The following CRIM1 variants were observed in gnomAD, a reference collection of about 807,000 sequenced individuals.
The protein encoded by CRIM1 is cysteine rich transmembrane BMP regulator 1.
In CRIM1, 32 loss-of-function variants were observed where a neutral mutation model predicts 116.4. The observed-to-expected ratio is 0.27, with a 90% CI of 0.21 to 0.37. CRIM1 has a LOEUF of 0.37. Ranked by LOEUF, CRIM1 falls within the 10% of genes least tolerant of loss-of-function variation. CRIM1 has a pLI of 1.00. For missense variants in CRIM1, 1,331 were observed against 1,354.8 expected (o/e 0.98, Z 0.28); for synonymous variants, 590 against 509.2 (o/e 1.16, Z -2.13).
intron 9 of CRIM1, among the ~76,000 whole-genome samples, chr2:36,510,443 G>A (rs1403411642): frequency 6.6e-6 from 1 of 152,146 alleles, no homozygotes; most frequent in Non-Finnish European, 1.5e-5. Context: ...ATGGAATTGT[G>A]AGGTCCCAGT....
intron 2 of CRIM1, among the ~76,000 whole-genome samples, chr2:36,414,934 G>A (rs61682514): frequency 0.015 from 2,249 of 152,232 alleles, 54 homozygotes; most frequent in African/African-American, 0.052. Context: ...ATGAGAGGAT[G>A]CCCTTTTTAA....
chr2:36,464,805 C>T, intron 5 of CRIM1, 150 bp downstream of exon 5: 3 of 841,088 alleles, frequency 3.6e-6, no homozygotes, highest in Non-Finnish European at 5.7e-6. Context: ...GCTTAAGATC[C>T]ACAGTGCAGT....
At position 36,402,725 on chromosome 2, in the gene CRIM1, C is replaced by T. The variant is rs188359010; in HGVS notation, c.505+5938C>T. Among the ~76,000 whole-genome samples, 4 of 141,386 alleles carry T rather than the reference C, an allele frequency of 2.8e-5. No individual in the cohort carries two copies. In the East Asian group the frequency reaches 1.1e-3, roughly 39 times the overall value. The allele number at this position is 141,386 out of a possible 152,430, so 92.8% of individuals were successfully genotyped here. ...AGCTGGAGATGAAGAGAATTAGGTG[C>T]ATTCGAGATACCATTGGAAATAGAA... On this transcript the variant is annotated intron_variant, in intron 2 of 16. Transcript: ENST00000280527.
chr2:36,381,965 T>G (rs1670811106), intron 1 of CRIM1, among the ~76,000 whole-genome samples: 1 of 152,190 alleles, frequency 6.6e-6, no homozygotes, highest in Non-Finnish European at 1.5e-5. Context: ...CTGTTTTCTT[T>G]CATTGGTGGA....
At chr2:36,471,608 T>G (rs985495542) in intron 5 of CRIM1, among the ~76,000 whole-genome samples, 2 of 152,200 alleles carry the variant, frequency 1.3e-5, no homozygotes, top group Non-Finnish European at 2.9e-5. Flanking sequence ...TATTGTATAC[T>G]TAATAGACTA....
intron 2 of CRIM1, among the ~76,000 whole-genome samples, chr2:36,429,970 A>C (rs1674754921): frequency 6.6e-6 from 1 of 152,190 alleles, no homozygotes; most frequent in Non-Finnish European, 1.5e-5. Flanking sequence ...GAGAGTTGTT[A>C]AAATAAGCCG....
At chr2:36,398,399 A>G (rs967708160) in intron 2 of CRIM1, among the ~76,000 whole-genome samples, 2 of 152,174 alleles carry the variant, frequency 1.3e-5, no homozygotes, top group African/African-American at 4.8e-5. Flanking sequence ...TTTTGTCCCA[A>G]AACCCAGTGT....
At chr2:36,420,740 A>G (rs1673991066) in intron 2 of CRIM1, among the ~76,000 whole-genome samples, 1 of 152,208 alleles carries the variant, frequency 6.6e-6, no homozygotes, top group East Asian at 1.9e-4. Context: ...AAAGGAGAGC[A>G]CAGTCGACAC....
chr2:36,487,209 C>A lies in CRIM1; in HGVS notation c.1372+7515C>A, dbSNP rs6734891. Among the ~76,000 whole-genome samples the A allele has an allele frequency of 5.2e-3, 794 of 152,282 alleles. 5 individuals carry two copies. The highest frequency in any genetic ancestry group is 8.5e-3 in the Non-Finnish European group (581 of 68,002). On this transcript the variant is annotated intron_variant, in intron 7 of 16. Coordinates refer to ENST00000280527, the MANE Select transcript of CRIM1 (RefSeq NM_016441.3). ...CTGTTTGCCTCAGTTCCAAGGAATT[C>A]ATTGGACTCAACACTCCTGTATTTA...
chr2:36,457,611 G>GATAGTAGT (rs1677243665), intron 4 of CRIM1, among the ~76,000 whole-genome samples: 1 of 152,166 alleles, frequency 6.6e-6, no homozygotes, highest in Non-Finnish European at 1.5e-5. Flanking sequence ...TTCATACACA[G>GATAGTAGT]ATAGTAGTAA....
At chr2:36,413,097 G>A (rs942874011) in intron 2 of CRIM1, among the ~76,000 whole-genome samples, 8 of 152,164 alleles carry the variant, frequency 5.3e-5, no homozygotes, top group Non-Finnish European at 8.8e-5. Context: ...AGGCTGTCAG[G>A]AAAATGAACC....
Position 36,479,501 on chromosome 2 carries a change from A to G in CRIM1, c.1179A>G (p.Pro393=), listed in dbSNP as rs531660918. The change falls in exon 7 of 17, where the codon CCA becomes CCG. Residue 393 remains proline (P), a synonymous_variant. Coordinates refer to ENST00000280527, the MANE Select transcript of CRIM1 (RefSeq NM_016441.3). Reference sequence around the variant, plus strand: ...TGAACTCATGTTCTCATTTAGATCCAGTGTATCCTTTTAATAATCCCGCTG... The same window carrying G: ...TGAACTCATGTTCTCATTTAGATCCGGTGTATCCTTTTAATAATCCCGCTG... ...EGECCPVCED[P]VYPFNNPAGC... 166 of 1,614,186 alleles carry G rather than the reference A, an allele frequency of 1.0e-4. No homozygotes were observed. The South Asian group carries it at 1.7e-3, about 16-fold the overall frequency.
rs542012741 is a variant in CRIM1 at position 36,448,669 on chromosome 2, A to G, written c.869+5934A>G. ...TTATTATTGACAAGTCACCTATTTTAAATTTATTTTTATGAAATTTGTCCC... is the reference window on the plus strand; with the variant it reads ...TTATTATTGACAAGTCACCTATTTTGAATTTATTTTTATGAAATTTGTCCC... On this transcript the variant is annotated intron_variant, in intron 4 of 16. Transcript: ENST00000280527. Among the ~76,000 whole-genome samples, 15 of 152,374 alleles carry G rather than the reference A, an allele frequency of 9.8e-5. No homozygotes were observed. In the South Asian group the frequency reaches 2.1e-3, roughly 21 times the overall value.
intron 7 of CRIM1, among the ~76,000 whole-genome samples, chr2:36,486,011 G>A (rs1282794086): frequency 6.6e-6 from 1 of 152,078 alleles, no homozygotes; most frequent in Non-Finnish European, 1.5e-5. Context: ...CTTAACCTAG[G>A]TCTTTAACAT....
At chr2:36,425,985 A>C (rs1276693617) in intron 2 of CRIM1, among the ~76,000 whole-genome samples, 2 of 152,186 alleles carry the variant, frequency 1.3e-5, no homozygotes, top group African/African-American at 4.8e-5. Context: ...CCAACCACCC[A>C]ATTGTTTTTA....
At chr2:36,544,347 C>G (rs754332829) in intron 14 of CRIM1, 29 bp from the exon 15 acceptor site, 2 of 1,322,820 alleles carry the variant, frequency 1.5e-6, no homozygotes, top group Non-Finnish European at 1.9e-6. Flanking sequence ...GCTTCATCAT[C>G]TCTTAGGAAA....
intron 1 of CRIM1, among the ~76,000 whole-genome samples, chr2:36,395,131 C>T (rs1278330001): frequency 6.7e-6 from 1 of 150,144 alleles, no homozygotes; most frequent in Admixed American, 6.7e-5. Context: ...TATCCCCCTT[C>T]AGCCTCCTGA....
chr2:36,505,734 G>C (rs1425056706), intron 8 of CRIM1, among the ~76,000 whole-genome samples: 1 of 143,362 alleles, frequency 7.0e-6, no homozygotes, highest in East Asian at 2.1e-4. Flanking sequence ...ATTTAAGAAA[G>C]GTTAACAAAA....
At chr2:36,371,048 C>T (rs1046275435) in intron 1 of CRIM1, among the ~76,000 whole-genome samples, 1 of 152,150 alleles carries the variant, frequency 6.6e-6, no homozygotes. Context: ...GTGGTCAACA[C>T]ATTCTTCTTA....
Sources: gnomAD v4.1 joint callset for allele counts (sites outside exome capture counted in the v4.1 genomes callset) on GRCh38, gnomAD v4.1.1 for gene constraint, MANE v1.5 for transcripts, NCBI Gene and HGNC (gene_info 2026-07-23, HGNC 2026-07-21) for gene names.